Variants in EYS observed in about 807,000 individuals in gnomAD.
EYS encodes the protein protein eyes shut homolog.
Under a neutral mutation model 282.1 loss-of-function variants are expected in EYS, and 250 were observed. The observed-to-expected ratio is 0.89, with a 90% CI of 0.80 to 0.98. The LOEUF is 0.98. EYS is among the 50% of genes least tolerant of loss of function. EYS has a pLI of 0.00. For synonymous variants in EYS, 1,355 were observed against 1,282.9 expected (o/e 1.06, Z -1.20); for missense variants, 4,016 against 3,709.0 (o/e 1.08, Z -2.15).
chr6:65,518,608 A>T (rs191380627), intron 2 of EYS, among the ~76,000 whole-genome samples: 1 of 152,124 alleles, frequency 6.6e-6, no homozygotes, highest in Admixed American at 6.6e-5. Flanking sequence ...TAGAATATAA[A>T]CCCCATGAGG....
intron 2 of EYS, among the ~76,000 whole-genome samples, chr6:65,594,969 G>T (rs1422758611): frequency 6.6e-6 from 1 of 152,042 alleles, no homozygotes; most frequent in African/African-American, 2.4e-5. Context: ...AGATCAGGTG[G>T]TTGTAGATGT....
chr6:65,063,929 C>T (rs369075511), intron 12 of EYS, among the ~76,000 whole-genome samples: 1 of 151,644 alleles, frequency 6.6e-6, no homozygotes, highest in African/African-American at 2.4e-5. Flanking sequence ...TGGACATACT[C>T]ATTTGGATTT....
At chr6:64,066,885 A>G (rs979343928) in intron 32 of EYS, among the ~76,000 whole-genome samples, 37 of 152,106 alleles carry the variant, frequency 2.4e-4, no homozygotes, top group Admixed American at 1.5e-3. Context: ...AATAACTTGT[A>G]TTATTATTGA....
chr6:63,911,841 C>T (rs1280727848), intron 35 of EYS, among the ~76,000 whole-genome samples: 1 of 152,146 alleles, frequency 6.6e-6, no homozygotes, highest in Non-Finnish European at 1.5e-5. Flanking sequence ...CAACTATGTC[C>T]TTCTTATGTA....
At chr6:65,099,328 T>A (rs1306001622) in intron 12 of EYS, among the ~76,000 whole-genome samples, 1 of 150,736 alleles carries the variant, frequency 6.6e-6, no homozygotes, top group Non-Finnish European at 1.5e-5. Flanking sequence ...GCCATCTACA[T>A]TTATGAATAA....
intron 33 of EYS, among the ~76,000 whole-genome samples, chr6:64,009,764 G>A (rs572039536): frequency 1.3e-5 from 2 of 152,192 alleles, no homozygotes; most frequent in South Asian, 2.1e-4. Flanking sequence ...TACCATTGCT[G>A]GAAAACCAGT....
chr6:64,703,982 G>T (rs1219827016), intron 22 of EYS, among the ~76,000 whole-genome samples: 3 of 151,870 alleles, frequency 2.0e-5, no homozygotes, highest in Non-Finnish European at 4.4e-5. Context: ...TTTCAATGTG[G>T]TTCCATATGT....
chr6:64,508,379 T>C (rs1777278336), intron 26 of EYS, among the ~76,000 whole-genome samples: 1 of 151,976 alleles, frequency 6.6e-6, no homozygotes, highest in African/African-American at 2.4e-5. Flanking sequence ...TCAAGAATTA[T>C]GGGTTCTTTT....
At chr6:65,172,701 A>G (rs570969430) in intron 12 of EYS, among the ~76,000 whole-genome samples, 6 of 151,548 alleles carry the variant, frequency 4.0e-5, no homozygotes, top group Admixed American at 2.6e-4. Flanking sequence ...ACAGTTTCCA[A>G]TTTTGGTCCT....
At chr6:65,434,408 C>G (rs1767991699) in intron 5 of EYS, among the ~76,000 whole-genome samples, 1 of 151,292 alleles carries the variant, frequency 6.6e-6, no homozygotes, top group Non-Finnish European at 1.5e-5. Flanking sequence ...GCAAGCTCTG[C>G]CTCCCACGTT....
chr6:64,003,801 T>C (rs1768209275), intron 33 of EYS, among the ~76,000 whole-genome samples: 1 of 152,230 alleles, frequency 6.6e-6, no homozygotes, highest in Admixed American at 6.5e-5. Context: ...CATGCTGTTC[T>C]TGTGATAGTG....
intron 26 of EYS, among the ~76,000 whole-genome samples, chr6:64,549,732 TC>T (rs1384088985): frequency 3.4e-5 from 3 of 89,458 alleles, no homozygotes; most frequent in African/African-American, 1.1e-4. Flanking sequence ...GCACATGAAA[TC>T]TTTTTTTTTT....
intron 19 of EYS, among the ~76,000 whole-genome samples, chr6:64,843,411 C>G (rs1490401678): frequency 6.6e-6 from 1 of 152,144 alleles, no homozygotes; most frequent in East Asian, 1.9e-4. Flanking sequence ...GTGGGCTATA[C>G]CCTGAAAAGC....
chr6:65,018,287 T>G (rs192217987), intron 13 of EYS, among the ~76,000 whole-genome samples: 1 of 152,178 alleles, frequency 6.6e-6, no homozygotes, highest in African/African-American at 2.4e-5. Context: ...TGGTTCCTTC[T>G]GAGGGCTGTA....
intron 2 of EYS, among the ~76,000 whole-genome samples, chr6:65,610,361 C>T (rs1022304760): frequency 8.6e-5 from 13 of 151,918 alleles, no homozygotes; most frequent in Non-Finnish European, 1.8e-4. Flanking sequence ...TATTTATCTT[C>T]ATTAGTCATT....
chr6:65,245,961 C>T (rs1294071540), intron 12 of EYS, among the ~76,000 whole-genome samples: 1 of 152,060 alleles, frequency 6.6e-6, no homozygotes, highest in Non-Finnish European at 1.5e-5. Flanking sequence ...CTTGACATAA[C>T]TGGAACCTGC....
At chr6:64,386,001 T>C (rs1772896329) in intron 29 of EYS, among the ~76,000 whole-genome samples, 1 of 152,194 alleles carries the variant, frequency 6.6e-6, no homozygotes, top group East Asian at 1.9e-4. Context: ...TCTTTTATTT[T>C]AATCCTCAAA....
chr6:64,112,246 T>A (rs956996364), intron 31 of EYS, among the ~76,000 whole-genome samples: 3 of 152,070 alleles, frequency 2.0e-5, no homozygotes, highest in African/African-American at 7.2e-5. Context: ...ATTTTCTCAG[T>A]GATAGAATCA....
chr6:64,368,103 G>T (rs1354833280), intron 29 of EYS, among the ~76,000 whole-genome samples: 3 of 151,928 alleles, frequency 2.0e-5, no homozygotes, highest in Non-Finnish European at 4.4e-5. Context: ...GCCACCCTCC[G>T]CCTTCAAGTA....
Sources: allele counts gnomAD v4.1 joint callset (sites outside exome capture counted in the v4.1 genomes callset), GRCh38; gene constraint gnomAD v4.1.1; transcripts MANE v1.5; gene names NCBI Gene and HGNC (gene_info 2026-07-23, HGNC 2026-07-21).